Variants in MAST1 observed in about 807,000 individuals in gnomAD.
The protein encoded by MAST1 is microtubule associated serine/threonine kinase 1, also known as microtubule-associated serine/threonine-protein kinase 1.
In MAST1, 40 loss-of-function variants were observed where a neutral mutation model predicts 124.6. The observed-to-expected ratio is 0.32, with a 90% CI of 0.25 to 0.42. The LOEUF (loss-of-function observed/expected upper bound fraction) is 0.42. MAST1 is among the 10% of genes least tolerant of loss of function. MAST1 has a pLI of 1.00. For missense variants in MAST1, 1,558 were observed against 2,181.9 expected, an observed-to-expected ratio of 0.71 and a Z score of 5.70; for synonymous variants, 938 against 939.4, an observed-to-expected ratio of 1.00 and a Z score of 0.03.
Position 12,847,878 on chromosome 19 carries a change from G to T in MAST1, c.595G>T (p.Asp199Tyr). The change falls in exon 7 of 26, where the codon GAC becomes TAC. Residue 199 changes from aspartate to tyrosine, a missense_variant. Physicochemically the swap from Asp to Tyr is radical, Grantham distance 160 (BLOSUM62 -3). This residue lies in a region of MAST1 where 165 missense variants were observed against 315.3 expected (regional missense o/e 0.52). Coordinates refer to ENST00000251472, the MANE Select transcript of MAST1 (RefSeq NM_014975.3). This position sits in a 1 kb window ranked among gnomAD's most constrained non-coding sequence, Gnocchi z 5.5. The stretch of plus-strand genomic sequence containing the variant: ...TGCGCAGATGGAGGAGAAGCTGCGC[G>T]ACTTTACCCGCGCCTACGAACCCGA... Reference protein sequence around the residue: ...ATAQMEEKLRDFTRAYEPDSV... With the variant: ...ATAQMEEKLRYFTRAYEPDSV... 2 of 1,612,642 alleles carry T rather than the reference G, an allele frequency of 1.2e-6. No homozygotes were observed. The highest frequency in any genetic ancestry group is 1.7e-6 in the Non-Finnish European group (2 of 1,179,474).
intron 10 of MAST1, among the ~76,000 whole-genome samples, chr19:12,853,318 T>C (rs1969984998): frequency 6.6e-6 from 1 of 150,966 alleles, no homozygotes; most frequent in Non-Finnish European, 1.5e-5. Flanking sequence ...TGCAGTGGCT[T>C]AGGCCTGTAA....
chr19:12,867,994 G>T lies in MAST1; in HGVS notation c.2566+17G>T, dbSNP rs779499396. On this transcript the variant is annotated intron_variant, in intron 20 of 25. Transcript: ENST00000251472. ...CCGAGGCCAGTGAGTGCCCTATCGT[G>T]CTGCCTTCCCCAATCTTCCCCAATG... 1.3e-6 allele frequency: 2 copies of T among 1,518,482 alleles called. No individual in the cohort carries two copies. The allele number at this position is 1,518,482 out of a possible 1,614,324, so 94.1% of individuals were successfully genotyped here.
chr19:12,867,687 T>C, intron 19 of MAST1, 35 bp downstream of exon 19: 4 of 1,538,924 alleles, frequency 2.6e-6, no homozygotes, highest in South Asian at 1.2e-5. Flanking sequence ...GGGGGCGGGG[T>C]CGAAGGGGGC....
At chr19:12,840,307 G>C in intron 1 of MAST1, 139 bp from the exon 2 acceptor site, 1 of 636,332 alleles carries the variant, frequency 1.6e-6, no homozygotes, top group Non-Finnish European at 2.8e-6. Flanking sequence ...ACCTTTCTTC[G>C]AGAAACCCTC....
intron 4 of MAST1, among the ~76,000 whole-genome samples, chr19:12,844,441 A>C (rs146622067): frequency 6.6e-6 from 1 of 152,306 alleles, no homozygotes; most frequent in African/African-American, 2.4e-5. Context: ...CTCATGGGGG[A>C]AGACAAGCCA....
In MAST1 at chr19:12,870,715, T is replaced by C. The variant is rs1032805131; in HGVS notation, c.3004-109T>C. On this transcript the variant is annotated intron_variant, in intron 22 of 25. Transcript: ENST00000251472. ...GGAATAATAACTATTTCACAAGGTGTTATGAGGATTCTAATGCATGCAGAG... is the reference window on the plus strand; with the variant it reads ...GGAATAATAACTATTTCACAAGGTGCTATGAGGATTCTAATGCATGCAGAG... The C allele has an allele frequency of 2.6e-6, 3 of 1,173,764 alleles. No individual in the cohort carries two copies. The African/African-American group carries it at 4.6e-5, about 18-fold the overall frequency. The allele number at this position is 1,173,764 out of a possible 1,614,324, so 72.7% of individuals were successfully genotyped here.
In MAST1 at chr19:12,840,438, C is replaced by T. The variant is rs764381160; in HGVS notation, c.84-8C>T. The T allele has an allele frequency of 1.2e-4, 195 of 1,606,940 alleles. No individual in the cohort carries two copies. The highest frequency in any genetic ancestry group is 1.6e-4 in the Non-Finnish European group (187 of 1,174,512). ...CGGCCCGGCCCCCCTGCCTTACCTT[C>T]CCCGCAGCTGCCGCACCAGTAATCG... On this transcript the variant is annotated splice_polypyrimidine_tract_variant and splice_region_variant and intron_variant, in intron 1 of 25. Transcript: ENST00000251472.
intron 10 of MAST1, among the ~76,000 whole-genome samples, chr19:12,857,291 C>T (rs1302613449): frequency 6.6e-6 from 1 of 152,064 alleles, no homozygotes; most frequent in Non-Finnish European, 1.5e-5. Context: ...CCATGTTGGC[C>T]AGGCTTGTCT....
At chr19:12,862,242 T>A (rs954060049) in intron 12 of MAST1, among the ~76,000 whole-genome samples, 2 of 152,188 alleles carry the variant, frequency 1.3e-5, no homozygotes, top group African/African-American at 4.8e-5. Context: ...TAGCCTTAAA[T>A]GATCCATCAG....
intron 10 of MAST1, among the ~76,000 whole-genome samples, chr19:12,854,989 G>A (rs1211198402): frequency 6.6e-6 from 1 of 152,190 alleles, no homozygotes; most frequent in African/African-American, 2.4e-5. Flanking sequence ...CCAGCACTTT[G>A]AGAGACTGCG....
intron 1 of MAST1, among the ~76,000 whole-genome samples, chr19:12,839,373 C>CCA (rs1170688168): frequency 6.6e-6 from 1 of 152,068 alleles, no homozygotes; most frequent in Admixed American, 6.5e-5. Flanking sequence ...ACATGGCGAT[C>CCA]CACACACACA....
chr19:12,871,159 G>T lies in MAST1; in HGVS notation c.3250G>T (p.Glu1084Ter). Residue 1084 changes from glutamate (E) to a stop codon, truncating the protein, a stop_gained, in exon 24 of 26, where the codon GAG becomes TAG. Transcript: ENST00000251472. LOFTEE classifies it high-confidence loss of function. ...ARRNKRPSAK[E>*]GQESKKRSSL... ...GAGGAACAAGCGACCCTCCGCCAAG[G>T]AGGGCCAGGAGAGGTGGGCACAGCC... 1 of 1,614,156 alleles carries T rather than the reference G, an allele frequency of 6.2e-7. No individual in the cohort carries two copies. Among genetic ancestry groups the T allele is most frequent in the Non-Finnish European group, 8.5e-7 (1 of 1,180,032 alleles).
At position 12,851,290 on chromosome 19, in the gene MAST1, G is replaced by T. The variant is rs558387196; in HGVS notation, c.775-644G>T. Among the ~76,000 whole-genome samples, 11 of 147,820 alleles carry T rather than the reference G, an allele frequency of 7.4e-5. No homozygotes were observed. The South Asian group carries it at 2.1e-3, about 29-fold the overall frequency. On this transcript the variant is annotated intron_variant, in intron 7 of 25. Transcript: ENST00000251472. Reference sequence around the variant, plus strand: ...TTTCTTTTTTTTTTTTTGAGACAGGGTCTCTCTCTCTGTCACCCAGGCAGG... The same window carrying T: ...TTTCTTTTTTTTTTTTTGAGACAGGTTCTCTCTCTCTGTCACCCAGGCAGG...
Position 12,841,856 on chromosome 19 carries a change from G to A in MAST1, c.248+790G>A, listed in dbSNP as rs1411368944. ...ACAGACAGCTCCCTTGGGAAAGTGG[G>A]GGAACCGCCTATTGACCATGGAATT... On this transcript the variant is annotated intron_variant, in intron 3 of 25. Transcript: ENST00000251472. This position sits in a 1 kb window ranked among gnomAD's most constrained non-coding sequence, Gnocchi z 4.3. 6.6e-6 allele frequency among the ~76,000 whole-genome samples: 1 copy of A among 152,166 alleles called. No individual in the cohort carries two copies. Among genetic ancestry groups the A allele is most frequent in the Non-Finnish European group, 1.5e-5 (1 of 68,036 alleles).
intron 21 of MAST1, 32 bp downstream of exon 21, chr19:12,868,881 G>A (rs781390543): frequency 3.9e-6 from 6 of 1,556,400 alleles, no homozygotes; most frequent in African/African-American, 2.7e-5. Flanking sequence ...CAGGGGAGGG[G>A]CTGCCCCCCA....
rs1270110787 is a variant in MAST1 at position 12,866,356 on chromosome 19, GCCTGGAACTGAA to G, written c.2029+256_2029+267del. Among the ~76,000 whole-genome samples the G allele has an allele frequency of 6.6e-6, 1 of 152,112 alleles. No homozygotes were observed. The highest frequency in any genetic ancestry group is 2.4e-5 in the African/African-American group (1 of 41,420). On this transcript the variant is annotated intron_variant, in intron 17 of 25. Transcript: ENST00000251472. This position sits in a 1 kb window ranked among gnomAD's most constrained non-coding sequence, Gnocchi z 5.2. ...TGGCCTGGGTGAGTTGTGAGTGTGGGCCTGGAACTGAACTAGAGAGAGGTACTAGCGCTCAGA... is the reference window on the plus strand; with the variant it reads ...TGGCCTGGGTGAGTTGTGAGTGTGGGCTAGAGAGAGGTACTAGCGCTCAGA...
Position 12,869,237 on chromosome 19 carries a change from G to T in MAST1, c.2945G>T (p.Arg982Leu), listed in dbSNP as rs1300800199. Reference sequence around the variant, plus strand: ...GGCAAGAAGTATGGCTTCACACTGCGTGCCATCCGTGTCTACATGGGTGAC... The same window carrying T: ...GGCAAGAAGTATGGCTTCACACTGCTTGCCATCCGTGTCTACATGGGTGAC... ...RSGKKYGFTL[R>L]AIRVYMGDTD... is the part of the protein sequence containing the mutation. Residue 982 changes from arginine (R) to leucine (L), a missense_variant, in exon 22 of 26, where the codon CGT becomes CTT. Transcript: ENST00000251472. The T allele has an allele frequency of 1.2e-6, 2 of 1,614,138 alleles. No individual in the cohort carries two copies. Among genetic ancestry groups the T allele is most frequent in the Non-Finnish European group, 1.7e-6 (2 of 1,180,024 alleles).
intron 22 of MAST1, 116 bp downstream of exon 22, chr19:12,869,411 C>G: frequency 1.3e-6 from 1 of 762,164 alleles, no homozygotes; most frequent in Admixed American, 2.5e-5. Context: ...TATGCCTCTT[C>G]CCTCTCTAAA....
intron 12 of MAST1, among the ~76,000 whole-genome samples, chr19:12,862,804 A>G (rs1970101210): frequency 1.3e-5 from 2 of 151,894 alleles, no homozygotes; most frequent in Non-Finnish European, 2.9e-5. Flanking sequence ...AGTAGCTGGA[A>G]TTATAGGTAT....
Sources: gnomAD v4.1 joint callset for allele counts (sites outside exome capture counted in the v4.1 genomes callset) on GRCh38, gnomAD v4.1.1 for gene constraint, gnomAD v4.1.1 regional missense constraint, Gnocchi (gnomAD v3.1) non-coding constraint, MANE v1.5 for transcripts, NCBI Gene and HGNC (gene_info 2026-07-23, HGNC 2026-07-21) for gene names.